Variants in PCDH9 observed in about 807,000 individuals in gnomAD.
PCDH9 encodes protocadherin 9.
PCDH9 carries 24 observed loss-of-function variants against 70.6 expected under a neutral mutation model. The ratio of observed to expected loss-of-function variants is 0.34; its 90% CI spans 0.25 to 0.48. The LOEUF is 0.48. Ranked by LOEUF, PCDH9 falls within the 20% of genes least tolerant of loss-of-function variation. The pLI is 0.99. For synonymous variants in PCDH9, 562 were observed against 558.5 expected (o/e 1.01, Z -0.09); for missense variants, 1,281 against 1,503.6 (o/e 0.85, Z 2.45).
chr13:67,208,264 A>G (rs1486564597), intron 2 of PCDH9: 2 of 152,068 alleles, frequency 1.3e-5, no homozygotes, highest in Non-Finnish European at 2.9e-5. Flanking sequence ...GACACAAACT[A>G]TTTTTTTGTT....
intron 2 of PCDH9, among the ~76,000 whole-genome samples, chr13:67,167,138 C>T (rs886461588): frequency 3.9e-5 from 6 of 152,006 alleles, no homozygotes; most frequent in African/African-American, 7.2e-5. Context: ...TTTTAAAAGG[C>T]TATGTTTGTC....
At chr13:66,942,512 T>TA (rs903035543) in intron 2 of PCDH9, among the ~76,000 whole-genome samples, 33 of 152,028 alleles carry the variant, frequency 2.2e-4, no homozygotes, top group African/African-American at 7.7e-4. Context: ...TGTAGATAAT[T>TA]AAAAAAGAAG....
chr13:67,080,265 A>T (rs1049971151), intron 2 of PCDH9, among the ~76,000 whole-genome samples: 4 of 152,224 alleles, frequency 2.6e-5, no homozygotes, highest in African/African-American at 9.6e-5. Context: ...AATAACATTT[A>T]TGGTAATTTA....
At chr13:66,558,072 T>C (rs1172332441) in intron 4 of PCDH9, among the ~76,000 whole-genome samples, 1 of 152,152 alleles carries the variant, frequency 6.6e-6, no homozygotes, top group African/African-American at 2.4e-5. Context: ...GAAGGATTGC[T>C]TGTGCCCAGG....
intron 2 of PCDH9, among the ~76,000 whole-genome samples, chr13:66,989,121 T>C (rs990143693): frequency 6.6e-6 from 1 of 151,930 alleles, no homozygotes; most frequent in African/African-American, 2.4e-5. Context: ...AGATTTACAC[T>C]CCATTCCCAA....
intron 3 of PCDH9, among the ~76,000 whole-genome samples, chr13:66,778,452 C>T (rs555857514): frequency 9.9e-5 from 15 of 152,208 alleles, no homozygotes; most frequent in African/African-American, 2.6e-4. Flanking sequence ...TAATTATTTG[C>T]GTCTCATTCC....
intron 2 of PCDH9, among the ~76,000 whole-genome samples, chr13:67,183,423 T>A (rs1028398549): frequency 6.6e-6 from 1 of 152,196 alleles, no homozygotes; most frequent in African/African-American, 2.4e-5. Flanking sequence ...AATCTATAAC[T>A]TCAAACTATG....
At chr13:66,521,832 T>C (rs1960003168) in intron 4 of PCDH9, among the ~76,000 whole-genome samples, 1 of 152,046 alleles carries the variant, frequency 6.6e-6, no homozygotes, top group Non-Finnish European at 1.5e-5. Context: ...CCTTAGTATA[T>C]CTATGAAAGA....
intron 2 of PCDH9, among the ~76,000 whole-genome samples, chr13:66,919,438 A>T (rs760708756): frequency 1.3e-5 from 2 of 151,044 alleles, no homozygotes; most frequent in Non-Finnish European, 3.0e-5. Flanking sequence ...GTTTTTGTCT[A>T]TTTCTTCCTT....
At chr13:66,353,985 T>C (rs1956338552) in intron 4 of PCDH9, among the ~76,000 whole-genome samples, 1 of 152,178 alleles carries the variant, frequency 6.6e-6, no homozygotes, top group African/African-American at 2.4e-5. Flanking sequence ...TAACAGCACA[T>C]TAGAGCTCCA....
chr13:66,893,955 T>C (rs971491450), intron 3 of PCDH9, among the ~76,000 whole-genome samples: 9 of 152,134 alleles, frequency 5.9e-5, no homozygotes, highest in African/African-American at 1.4e-4. Context: ...TTAAACTGTG[T>C]CTTTAGTCCT....
intron 4 of PCDH9, among the ~76,000 whole-genome samples, chr13:66,602,174 G>A (rs1221754666): frequency 2.7e-5 from 4 of 145,810 alleles, no homozygotes; most frequent in Non-Finnish European, 3.1e-5. Flanking sequence ...AAAATACACT[G>A]ACACTAATGA....
At chr13:66,856,736 T>G (rs2081401420) in intron 3 of PCDH9, among the ~76,000 whole-genome samples, 1 of 152,080 alleles carries the variant, frequency 6.6e-6, no homozygotes, top group Non-Finnish European at 1.5e-5. Context: ...AATATGGATT[T>G]TCAGTAACCG....
At chr13:66,815,113 C>T (rs1426861473) in intron 3 of PCDH9, among the ~76,000 whole-genome samples, 1 of 151,746 alleles carries the variant, frequency 6.6e-6, no homozygotes, top group Non-Finnish European at 1.5e-5. Flanking sequence ...GGCAAAGGAC[C>T]TAAACAGACA....
At chr13:66,332,350 T>G (rs1955959302) in intron 4 of PCDH9, among the ~76,000 whole-genome samples, 1 of 152,144 alleles carries the variant, frequency 6.6e-6, no homozygotes, top group South Asian at 2.1e-4. Context: ...CTGTTGTCCA[T>G]GATAATCTTC....
intron 3 of PCDH9, chr13:66,825,081 T>G (rs2080794589): frequency 6.6e-6 from 1 of 151,928 alleles, no homozygotes; most frequent in Non-Finnish European, 1.5e-5. Context: ...AATTTTAATT[T>G]AAATTAATTC....
intron 2 of PCDH9, chr13:67,212,795 A>ATT (rs1432365552): frequency 6.6e-6 from 1 of 152,194 alleles, no homozygotes; most frequent in Non-Finnish European, 1.5e-5. Flanking sequence ...CAGGGAACCC[A>ATT]TTCACATAGG....
intron 2 of PCDH9, among the ~76,000 whole-genome samples, chr13:67,190,782 C>G (rs960903563): frequency 1.3e-5 from 2 of 152,008 alleles, no homozygotes; most frequent in African/African-American, 4.8e-5. Context: ...TAGCAAAACC[C>G]TTCTTATCTC....
intron 3 of PCDH9, among the ~76,000 whole-genome samples, chr13:66,659,823 C>T (rs979752118): frequency 4.0e-5 from 6 of 151,872 alleles, no homozygotes; most frequent in Non-Finnish European, 7.4e-5. Context: ...TGTGTTTTAG[C>T]TTATTTTTAG....
Sources: allele counts gnomAD v4.1 joint callset (sites outside exome capture counted in the v4.1 genomes callset), GRCh38; gene constraint gnomAD v4.1.1; transcripts MANE v1.5; gene names NCBI Gene and HGNC (gene_info 2026-07-23, HGNC 2026-07-21).